Variants in ZNF804B observed in about 807,000 individuals in gnomAD.
The protein encoded by ZNF804B is zinc finger protein 804B, also known as zinc finger 804B.
A neutral mutation model predicts 101.4 loss-of-function variants in ZNF804B; 80 were observed. The ratio of observed to expected loss-of-function variants is 0.79; its 90% CI spans 0.66 to 0.95. The LOEUF (loss-of-function observed/expected upper bound fraction) is 0.95. Ranked by LOEUF, ZNF804B falls within the 40% of genes least tolerant of loss-of-function variation. ZNF804B has a pLI of 0.00. For synonymous variants in ZNF804B, 622 were observed against 558.8 expected, an observed-to-expected ratio of 1.11 and a Z score of -1.59; for missense variants, 1,673 against 1,561.9, an observed-to-expected ratio of 1.07 and a Z score of -1.20.
chr7:89,156,964 G>T (rs1049076203), intron 1 of ZNF804B, among the ~76,000 whole-genome samples: 4 of 152,114 alleles, frequency 2.6e-5, no homozygotes, highest in African/African-American at 9.7e-5. Flanking sequence ...GAGTTGTGGG[G>T]TCTACCCTTT....
chr7:88,778,417 T>G (rs1012597423), intron 1 of ZNF804B, among the ~76,000 whole-genome samples: 1 of 152,230 alleles, frequency 6.6e-6, no homozygotes, highest in Admixed American at 6.5e-5. Context: ...AAGACAGCAC[T>G]CACAGGTCCT....
At chr7:88,980,264 C>T (rs928481798) in intron 1 of ZNF804B, among the ~76,000 whole-genome samples, 1 of 151,940 alleles carries the variant, frequency 6.6e-6, no homozygotes, top group Non-Finnish European at 1.5e-5. Flanking sequence ...AATTCTCTGT[C>T]TGAAAGGTCA....
At chr7:89,018,805 A>G (rs1370976837) in intron 1 of ZNF804B, among the ~76,000 whole-genome samples, 1 of 151,970 alleles carries the variant, frequency 6.6e-6, no homozygotes, top group Admixed American at 6.6e-5. Flanking sequence ...TAGAATCTCT[A>G]ATAACCTCTT....
intron 1 of ZNF804B, among the ~76,000 whole-genome samples, chr7:89,115,522 A>G (rs1034236872): frequency 6.6e-6 from 1 of 152,204 alleles, no homozygotes; most frequent in Admixed American, 6.5e-5. Flanking sequence ...GAAGAGTAAG[A>G]CATCTTGAGC....
At chr7:89,219,762 C>G (rs1398474822) in intron 2 of ZNF804B, among the ~76,000 whole-genome samples, 6 of 151,112 alleles carry the variant, frequency 4.0e-5, no homozygotes, top group African/African-American at 1.5e-4. Flanking sequence ...TACTCTATCT[C>G]AAATATTTAT....
chr7:88,782,744 G>T (rs997341463), intron 1 of ZNF804B, among the ~76,000 whole-genome samples: 1 of 152,082 alleles, frequency 6.6e-6, no homozygotes, highest in African/African-American at 2.4e-5. Flanking sequence ...AATAAGAAAT[G>T]GTGCTTCTGT....
chr7:89,148,123 C>T (rs1156234473), intron 1 of ZNF804B, among the ~76,000 whole-genome samples: 2 of 152,050 alleles, frequency 1.3e-5, no homozygotes, highest in East Asian at 1.9e-4. Context: ...TATGCCAGCT[C>T]TGCTATTTTT....
intron 1 of ZNF804B, among the ~76,000 whole-genome samples, chr7:89,156,257 C>G (rs899833593): frequency 2.6e-5 from 4 of 151,642 alleles, no homozygotes; most frequent in African/African-American, 9.7e-5. Flanking sequence ...GGGATTACAG[C>G]CATGAGCCAT....
At chr7:88,803,360 G>A (rs913346110) in intron 1 of ZNF804B, among the ~76,000 whole-genome samples, 2 of 152,110 alleles carry the variant, frequency 1.3e-5, no homozygotes, top group Non-Finnish European at 2.9e-5. Flanking sequence ...AGTCAAGATA[G>A]GAAAATATAA....
At chr7:89,216,021 C>G (rs905036074) in intron 1 of ZNF804B, among the ~76,000 whole-genome samples, 1 of 151,918 alleles carries the variant, frequency 6.6e-6, no homozygotes, top group Admixed American at 6.6e-5. Context: ...AAATAAATAC[C>G]GGCTGGGCGT....
intron 2 of ZNF804B, among the ~76,000 whole-genome samples, chr7:89,325,070 T>C (rs1024917982): frequency 6.6e-6 from 1 of 152,028 alleles, no homozygotes; most frequent in African/African-American, 2.4e-5. Flanking sequence ...CCTGGCTTTA[T>C]ATGAATGCTA....
At chr7:89,286,806 A>G (rs1790205645) in intron 2 of ZNF804B, among the ~76,000 whole-genome samples, 1 of 152,222 alleles carries the variant, frequency 6.6e-6, no homozygotes, top group Non-Finnish European at 1.5e-5. Flanking sequence ...AGAAAATGGC[A>G]GAAATATTGA....
chr7:89,146,200 A>C (rs895612657), intron 1 of ZNF804B, among the ~76,000 whole-genome samples: 7 of 152,132 alleles, frequency 4.6e-5, no homozygotes, highest in African/African-American at 7.2e-5. Flanking sequence ...GAAGAAAATC[A>C]ATGAACATTT....
At chr7:88,798,902 A>G (rs142279205) in intron 1 of ZNF804B, among the ~76,000 whole-genome samples, 142 of 152,098 alleles carry the variant, frequency 9.3e-4, no homozygotes, top group Non-Finnish European at 1.6e-3. Context: ...CTGTCTACGT[A>G]TCTGGATAAA....
At chr7:88,999,889 G>T (rs1184073907) in intron 1 of ZNF804B, among the ~76,000 whole-genome samples, 1 of 151,758 alleles carries the variant, frequency 6.6e-6, no homozygotes, top group South Asian at 2.1e-4. Flanking sequence ...TTTGAAAATT[G>T]TTAACAACTA....
At chr7:89,247,993 G>C (rs1254679942) in intron 2 of ZNF804B, among the ~76,000 whole-genome samples, 1 of 152,294 alleles carries the variant, frequency 6.6e-6, no homozygotes, top group South Asian at 2.1e-4. Context: ...CCAAGCCAAA[G>C]TAAGAATTTC....
chr7:89,297,785 C>T (rs1185753238), intron 2 of ZNF804B, among the ~76,000 whole-genome samples: 1 of 151,628 alleles, frequency 6.6e-6, no homozygotes, highest in Non-Finnish European at 1.5e-5. Context: ...ACCTTTAAGC[C>T]TAAATATTCA....
chr7:89,332,915 T>A (rs980480126), intron 3 of ZNF804B, among the ~76,000 whole-genome samples: 1 of 151,836 alleles, frequency 6.6e-6, no homozygotes, highest in African/African-American at 2.4e-5. Context: ...CTAAACATTA[T>A]AAAATGTTAG....
intron 1 of ZNF804B, among the ~76,000 whole-genome samples, chr7:89,194,951 A>C (rs1318921591): frequency 6.6e-6 from 1 of 152,092 alleles, no homozygotes; most frequent in South Asian, 2.1e-4. Context: ...ATGAGCATGG[A>C]ATGTTCTTCC....
Sources: allele counts gnomAD v4.1 joint callset (sites outside exome capture counted in the v4.1 genomes callset), GRCh38; gene constraint gnomAD v4.1.1; transcripts MANE v1.5; gene names NCBI Gene and HGNC (gene_info 2026-07-23, HGNC 2026-07-21).